The following ODAD1 variants were observed in gnomAD, a reference collection of about 807,000 sequenced individuals.
The protein encoded by ODAD1 is outer dynein arm-docking complex subunit 1.
A neutral mutation model predicts 67.2 loss-of-function variants in ODAD1; 49 were observed. The ratio of observed to expected loss-of-function variants is 0.73; its 90% CI spans 0.58 to 0.92. ODAD1 has a LOEUF of 0.92. Among genes scored for constraint, ODAD1 ranks in the 40% least tolerant of loss-of-function variants. ODAD1 has a pLI of 0.00. For missense variants in ODAD1, 897 were observed against 953.7 expected (o/e 0.94, Z 0.78); for synonymous variants, 345 against 393.7 (o/e 0.88, Z 1.46).
intron 8 of ODAD1, among the ~76,000 whole-genome samples, chr19:48,305,322 C>T (rs1230827290): frequency 6.6e-6 from 1 of 152,122 alleles, no homozygotes; most frequent in East Asian, 1.9e-4. Context: ...GATCTCTGTC[C>T]CTTGCAACCA....
intron 12 of ODAD1, 49 bp from the exon 13 acceptor site, chr19:48,298,389 T>G: frequency 6.3e-7 from 1 of 1,594,232 alleles, no homozygotes; most frequent in Non-Finnish European, 8.6e-7. Flanking sequence ...GCCAGCTGGG[T>G]GCCAGCCCTC....
At chr19:48,310,866 C>T (rs1272775794) in intron 7 of ODAD1, among the ~76,000 whole-genome samples, 1 of 150,202 alleles carries the variant, frequency 6.7e-6, no homozygotes, top group African/African-American at 2.5e-5. Flanking sequence ...TGCCTGAGCT[C>T]AGGAATTCAA....
At chr19:48,308,529 G>A (rs945152491) in intron 7 of ODAD1, among the ~76,000 whole-genome samples, 1 of 152,236 alleles carries the variant, frequency 6.6e-6, no homozygotes, top group African/African-American at 2.4e-5. Flanking sequence ...AGAAATGACA[G>A]AGTCTTTTAA....
chr19:48,307,703 T>C (rs1968647150), intron 7 of ODAD1, among the ~76,000 whole-genome samples: 1 of 151,632 alleles, frequency 6.6e-6, no homozygotes, highest in Admixed American at 6.6e-5. Flanking sequence ...TAGTCCCAGC[T>C]ACTCGGGAGG....
In ODAD1 at chr19:48,296,676, T is replaced by A; in HGVS notation, c.*300A>T. The A allele has an allele frequency of 2.1e-6, 2 of 933,484 alleles. No homozygotes were observed. The allele number at this position is 933,484 out of a possible 1,614,324, so 57.8% of individuals were successfully genotyped here. ...TGGGGGATCCACAGGGGGCCAGGGC[T>A]CAGCAGACAGGGAAGGGGCAGATAT... is the stretch of plus-strand genomic sequence containing the variant. On this transcript the variant is annotated 3_prime_UTR_variant, in exon 16 of 16. Coordinates refer to ENST00000674294, the MANE Select transcript of ODAD1 (RefSeq NM_001364171.2).
At position 48,297,476 on chromosome 19, in the gene ODAD1, G is replaced by C; in HGVS notation, c.1624C>G (p.Leu542Val). 1 of 1,602,506 alleles carries C rather than the reference G, an allele frequency of 6.2e-7. No homozygotes were observed. Among genetic ancestry groups the C allele is most frequent in the Non-Finnish European group, 8.5e-7 (1 of 1,177,112 alleles). ...TCCAGCTTCGCGGCGGCGGCGGCCA[G>C]GTCCTTCTGGCGCTGCGCCTCCGCC... ...EQAEAQRQKD[L>V]AAAAAKLDGT... The change falls in exon 16 of 16, where the codon CTG (leucine) becomes GTG (valine). Residue 542 changes from leucine to valine, a missense_variant. Leu to Val is a conservative substitution (Grantham distance 32). Coordinates refer to ENST00000674294, the MANE Select transcript of ODAD1 (RefSeq NM_001364171.2).
chr19:48,305,991 A>G (rs989557540), intron 8 of ODAD1, among the ~76,000 whole-genome samples: 3 of 152,074 alleles, frequency 2.0e-5, no homozygotes, highest in East Asian at 3.9e-4. Context: ...CCTGGGAGGT[A>G]GAGGTTGCAG....
chr19:48,306,866 G>A (rs1446088294), intron 7 of ODAD1, among the ~76,000 whole-genome samples: 8 of 152,090 alleles, frequency 5.3e-5, no homozygotes, highest in African/African-American at 1.7e-4. Context: ...GGCCAACATA[G>A]AGAAACTCCA....
intron 5 of ODAD1, among the ~76,000 whole-genome samples, chr19:48,312,406 T>G (rs1477459609): frequency 1.6e-5 from 2 of 125,948 alleles, no homozygotes; most frequent in Non-Finnish European, 3.2e-5. Flanking sequence ...TTCCGTTTTT[T>G]TTTTTGTTTT....
intron 12 of ODAD1, among the ~76,000 whole-genome samples, chr19:48,298,593 G>A (rs375984333): frequency 6.6e-6 from 1 of 152,170 alleles, no homozygotes; most frequent in African/African-American, 2.4e-5. Context: ...GACCCCAGCA[G>A]AGCCAGCCTC....
At chr19:48,315,259 T>C (rs1968867715) in intron 5 of ODAD1, among the ~76,000 whole-genome samples, 1 of 152,094 alleles carries the variant, frequency 6.6e-6, no homozygotes, top group Non-Finnish European at 1.5e-5. Flanking sequence ...TAGTGTTCAA[T>C]GTGGGATGGG....
chr19:48,304,907 T>C (rs920688890), intron 8 of ODAD1, among the ~76,000 whole-genome samples: 12 of 151,990 alleles, frequency 7.9e-5, no homozygotes, highest in African/African-American at 2.9e-4. Context: ...CCTTTTGGAG[T>C]GATGGAAATA....
rs1173169408 is a variant in ODAD1, at chr19:48,297,422, T to C, written c.1678A>G (p.Thr560Ala). 1 of 1,604,858 alleles carries C rather than the reference T, an allele frequency of 6.2e-7. No homozygotes were observed. The highest frequency in any genetic ancestry group is 2.2e-5 in the East Asian group (1 of 44,852). Residue 560 changes from threonine (T) to alanine (A), a missense_variant, in exon 16 of 16, where the codon ACC becomes GCC. Transcript: ENST00000674294. ...ACGGTACTGGAGCCGGCCCTCTGGG[T>C]GCTGGCCAGGTCCACGCTCAGGGTG... ...DGTLSVDLAS[T>A]QRAGSSTVLV...
At chr19:48,317,795 G>A (rs927965442) in intron 5 of ODAD1, among the ~76,000 whole-genome samples, 3 of 151,564 alleles carry the variant, frequency 2.0e-5, no homozygotes, top group South Asian at 2.1e-4. Flanking sequence ...TCTCCTGGCC[G>A]AGCACAGTGG....
rs892746152 is a variant in ODAD1 at position 48,302,705 on chromosome 19, T to A, written c.1229A>T (p.Lys410Met). 2.5e-6 allele frequency: 4 copies of A among 1,610,604 alleles called. No individual in the cohort carries two copies. The Admixed American group carries it at 6.7e-5, about 27-fold the overall frequency. ...CCATGGGTGCTCACCAGCCTTGAGC[T>A]TCTCCAGCTGTCCCCGCACATCCTG... is the stretch of plus-strand genomic sequence containing the variant. ...RFQDVRGQLE[K>M]LKADIQLLFT... is the part of the protein sequence containing the mutation. The change falls in exon 12 of 16, where the codon AAG becomes ATG. Residue 410 changes from lysine to methionine, a missense_variant. Physicochemically the swap from Lys to Met is moderately conservative, Grantham distance 95. Coordinates refer to ENST00000674294, the MANE Select transcript of ODAD1 (RefSeq NM_001364171.2).
At chr19:48,321,269 T>C (rs1372071271) in intron 1 of ODAD1, among the ~76,000 whole-genome samples, 1 of 151,970 alleles carries the variant, frequency 6.6e-6, no homozygotes, top group Non-Finnish European at 1.5e-5. Context: ...ACAAAACTGA[T>C]GGGCGGCGAG....
At chr19:48,312,568 C>G (rs750751236) in intron 5 of ODAD1, among the ~76,000 whole-genome samples, 3 of 151,954 alleles carry the variant, frequency 2.0e-5, no homozygotes, top group Non-Finnish European at 2.9e-5. Context: ...AGGCACGTAC[C>G]ACCACACCCA....
chr19:48,317,210 G>GTATA (rs35611945), intron 5 of ODAD1, among the ~76,000 whole-genome samples: 1,703 of 148,266 alleles, frequency 0.011, 25 homozygotes, highest in African/African-American at 0.033. Flanking sequence ...ATTAAAAAAT[G>GTATA]TATATATATA....
At chr19:48,320,994 T>G (rs989862167) in intron 1 of ODAD1, among the ~76,000 whole-genome samples, 183 bp from the exon 2 acceptor site, 1 of 152,128 alleles carries the variant, frequency 6.6e-6, no homozygotes, top group African/African-American at 2.4e-5. Flanking sequence ...CCCAGCATTT[T>G]GGGAGGCCGA....
Sources: gnomAD v4.1 joint callset for allele counts (sites outside exome capture counted in the v4.1 genomes callset) on GRCh38, gnomAD v4.1.1 for gene constraint, MANE v1.5 for transcripts, NCBI Gene and HGNC (gene_info 2026-07-23, HGNC 2026-07-21) for gene names.